WASHC5: variants seen among roughly 807,000 people sequenced by gnomAD.
WASHC5 encodes WASH complex subunit strumpellin.
WASHC5 carries 101 observed loss-of-function variants against 150.4 expected under a neutral mutation model. That is an observed-to-expected ratio of 0.67 (90% CI 0.57 to 0.79). WASHC5 has a LOEUF of 0.79. WASHC5 is among the 30% of genes least tolerant of loss of function. The pLI, the probability that WASHC5 is intolerant of heterozygous loss-of-function variation, is 0.00. For missense variants in WASHC5, 1,195 were observed against 1,396.3 expected (o/e 0.86, Z 2.30); for synonymous variants, 467 against 491.2 (o/e 0.95, Z 0.65).
intron 27 of WASHC5, among the ~76,000 whole-genome samples, chr8:125,030,739 G>GC (rs1815506883): frequency 6.6e-6 from 1 of 151,184 alleles, no homozygotes; most frequent in African/African-American, 2.4e-5. Context: ...ACTCCTCTGT[G>GC]CCAAGGGGAG....
Position 125,067,732 on chromosome 8 carries a change from A to G in WASHC5, c.1151-13T>C. 2 of 1,613,162 alleles carry G rather than the reference A, an allele frequency of 1.2e-6. No individual in the cohort carries two copies. The highest frequency in any genetic ancestry group is 1.7e-6 in the Non-Finnish European group (2 of 1,179,302). The stretch of plus-strand genomic sequence containing the variant: ...TTTGGGTCACAGGCTAGAAACAGGA[A>G]AAGTGTTACCTGCTTACTAAATGTG... On this transcript the variant is annotated splice_polypyrimidine_tract_variant and intron_variant, in intron 9 of 28. Transcript: ENST00000318410.
At chr8:125,076,642 T>C in intron 6 of WASHC5, 142 bp from the exon 7 acceptor site, 1 of 860,794 alleles carries the variant, frequency 1.2e-6, no homozygotes, top group Middle Eastern at 2.5e-4. Flanking sequence ...TGGAAGCCCT[T>C]CTCAGACTGT....
chr8:125,059,149 G>A, intron 14 of WASHC5, 73 bp downstream of exon 14: 1 of 1,065,810 alleles, frequency 9.4e-7, no homozygotes, highest in Admixed American at 1.7e-5. Flanking sequence ...ATCCTGGGCT[G>A]AATTAATGAA....
chr8:125,034,059 T>A (rs1815623559), intron 26 of WASHC5, among the ~76,000 whole-genome samples: 1 of 150,446 alleles, frequency 6.6e-6, no homozygotes, highest in Non-Finnish European at 1.5e-5. Flanking sequence ...AAAAAAAAAA[T>A]TTAAAAACGA....
At chr8:125,031,707 T>C (rs1815542915) in intron 27 of WASHC5, among the ~76,000 whole-genome samples, 1 of 152,214 alleles carries the variant, frequency 6.6e-6, no homozygotes, top group Non-Finnish European at 1.5e-5. Context: ...CTTTTTTTTC[T>C]TTATCCCAGA....
Position 125,083,955 on chromosome 8 carries a change from G to C in WASHC5, c.-57C>G. The C allele has an allele frequency of 6.6e-7, 1 of 1,517,734 alleles. No individual in the cohort carries two copies. The highest frequency in any genetic ancestry group is 2.3e-5 in the East Asian group (1 of 43,794). 94.0% of individuals were successfully genotyped at this position (1,517,734 alleles called of 1,614,324 possible). A position where few individuals can be genotyped will look rare whatever the true frequency, so the allele number is the denominator to read the frequency against. On this transcript the variant is annotated 5_prime_UTR_variant, in exon 2 of 29. Transcript: ENST00000318410. ...CACTGGGGATGATTAACTGGCCTCA[G>C]AGCTGGTGTCTGTATATTATTAGAT...
chr8:125,058,138 A>G lies in WASHC5; in HGVS notation c.1765-472T>C, dbSNP rs117963441. Among the ~76,000 whole-genome samples, 536 of 151,734 alleles carry G rather than the reference A, an allele frequency of 3.5e-3. 1 individual carries two copies. The highest frequency in any genetic ancestry group is 5.2e-3 in the Non-Finnish European group (356 of 67,918). The stretch of plus-strand genomic sequence containing the variant: ...CCAATCTAATATGCCGTCAAGTGTA[A>G]GAAGTGCCATTATTTTATGTGCCAT... On this transcript the variant is annotated intron_variant, in intron 14 of 28. Coordinates refer to ENST00000318410, the MANE Select transcript of WASHC5 (RefSeq NM_014846.4).
chr8:125,053,590 C>G (rs1563619442), intron 17 of WASHC5, among the ~76,000 whole-genome samples: 1 of 152,074 alleles, frequency 6.6e-6, no homozygotes, highest in African/African-American at 2.4e-5. Flanking sequence ...GCATGTTTAG[C>G]AAATTCTATT....
chr8:125,053,293 G>GGTAGACTAGCAGA (rs1236869906), intron 17 of WASHC5, among the ~76,000 whole-genome samples: 4 of 152,010 alleles, frequency 2.6e-5, no homozygotes, highest in Non-Finnish European at 2.9e-5. Context: ...AGTTGTTATT[G>GGTAGACTAGCAGA]GTAGACTAGC....
At chr8:125,072,016 C>T (rs1458077684) in intron 9 of WASHC5, among the ~76,000 whole-genome samples, 1 of 152,232 alleles carries the variant, frequency 6.6e-6, no homozygotes, top group East Asian at 1.9e-4. Flanking sequence ...GGTTCTGACA[C>T]TTCTACCTCC....
intron 20 of WASHC5, among the ~76,000 whole-genome samples, chr8:125,045,153 G>T (rs1384602615): frequency 6.6e-6 from 1 of 152,322 alleles, no homozygotes; most frequent in South Asian, 2.1e-4. Flanking sequence ...TTGAGACTAT[G>T]ACGACAAAGC....
intron 1 of WASHC5, among the ~76,000 whole-genome samples, chr8:125,085,840 G>C (rs1164921533): frequency 6.6e-6 from 1 of 152,206 alleles, no homozygotes; most frequent in Non-Finnish European, 1.5e-5. Flanking sequence ...GAAAGTTCTT[G>C]AAGTAGGTAA....
intron 1 of WASHC5, among the ~76,000 whole-genome samples, chr8:125,087,804 C>T (rs1817465766): frequency 6.6e-6 from 1 of 151,018 alleles, no homozygotes; most frequent in Non-Finnish European, 1.5e-5. Context: ...TAGTTCATAT[C>T]TGAAAAATGC....
At chr8:125,091,139 TC>T (rs888042861) in intron 1 of WASHC5, among the ~76,000 whole-genome samples, 7 of 149,426 alleles carry the variant, frequency 4.7e-5, no homozygotes, top group Admixed American at 1.3e-4. Flanking sequence ...TTTTTTTTTT[TC>T]CCCCAAATGC....
In WASHC5 at chr8:125,025,151, T is replaced by C. The variant is rs1243912710; in HGVS notation, c.3424-478A>G. On this transcript the variant is annotated intron_variant, in intron 28 of 28. Coordinates refer to ENST00000318410, the MANE Select transcript of WASHC5 (RefSeq NM_014846.4). ...TCAGAGGCATGCATTCCTGAACTGT[T>C]CTTGGGCAAAGCCCTGAGAAGACTA... 2.0e-5 allele frequency among the ~76,000 whole-genome samples: 3 copies of C among 152,216 alleles called. No individual in the cohort carries two copies. The East Asian group carries it at 5.8e-4, about 30-fold the overall frequency.
At chr8:125,084,916 C>T (rs571475271) in intron 1 of WASHC5, among the ~76,000 whole-genome samples, 3 of 152,242 alleles carry the variant, frequency 2.0e-5, no homozygotes, top group Non-Finnish European at 2.9e-5. Flanking sequence ...AGAATCTCCC[C>T]GGATGATTCT....
chr8:125,088,247 T>TGGTGA (rs1474477953), intron 1 of WASHC5, among the ~76,000 whole-genome samples: 4,000 of 151,588 alleles, frequency 0.026, 197 homozygotes, highest in African/African-American at 0.093. Flanking sequence ...AGAGCCGGGA[T>TGGTGA]CACCCCGGCT....
chr8:125,028,465 A>G (rs1210752372), intron 28 of WASHC5, among the ~76,000 whole-genome samples, 155 bp downstream of exon 28: 1 of 152,240 alleles, frequency 6.6e-6, no homozygotes, highest in East Asian at 1.9e-4. Flanking sequence ...GGAAAAGGCA[A>G]GGACATTTCA....
intron 15 of WASHC5, 39 bp from the exon 16 acceptor site, chr8:125,056,856 T>C (rs1408149917): frequency 1.2e-6 from 2 of 1,613,754 alleles, no homozygotes; most frequent in Non-Finnish European, 8.5e-7. Flanking sequence ...AATGAACATC[T>C]GTTTTACTTT....
Sources: allele counts gnomAD v4.1 joint callset (sites outside exome capture counted in the v4.1 genomes callset), GRCh38; gene constraint gnomAD v4.1.1; transcripts MANE v1.5; gene names NCBI Gene and HGNC (gene_info 2026-07-23, HGNC 2026-07-21).